The following NTM variants were observed in gnomAD, a reference collection of about 807,000 sequenced individuals.
NTM encodes the protein IgLON family member 2.
In NTM, 13 loss-of-function variants were observed where a neutral mutation model predicts 42.1. The ratio of observed to expected loss-of-function variants is 0.31; its 90% confidence interval spans 0.20 to 0.49. NTM has a LOEUF of 0.49. Among genes scored for constraint, NTM ranks in the 20% least tolerant of loss-of-function variants. The probability of loss-of-function intolerance (pLI) is 0.99; values close to 1 mark genes in which losing one functional copy is unlikely to be tolerated. For synonymous variants in NTM, 187 were observed against 179.2 expected (o/e 1.04, Z -0.35); for missense variants, 373 against 452.8 (o/e 0.82, Z 1.60).
intron 1 of NTM, among the ~76,000 whole-genome samples, chr11:131,461,076 A>G (rs1052007794): frequency 3.9e-5 from 6 of 152,190 alleles, no homozygotes; most frequent in Non-Finnish European, 8.8e-5. Context: ...GTTTTCAAGT[A>G]TAAGGGAAAT....
At chr11:132,088,747 C>T (rs2060042373) in intron 2 of NTM, among the ~76,000 whole-genome samples, 1 of 152,160 alleles carries the variant, frequency 6.6e-6, no homozygotes, top group Admixed American at 6.5e-5. Context: ...CATGTTTAGG[C>T]AAGCCCCCTA....
chr11:131,696,159 G>A (rs1447497506), intron 1 of NTM, among the ~76,000 whole-genome samples: 3 of 152,156 alleles, frequency 2.0e-5, no homozygotes, highest in East Asian at 1.9e-4. Context: ...TAACAGCCTC[G>A]GAGAGAACAA....
intron 4 of NTM, among the ~76,000 whole-genome samples, chr11:132,293,386 TC>T (rs1168624529): frequency 2.6e-5 from 4 of 152,100 alleles, no homozygotes; most frequent in Non-Finnish European, 4.4e-5. Context: ...AGAGCCCATG[TC>T]CCCGCCTGAG....
rs556872636 is a variant in NTM at position 132,206,214 on chromosome 11, A to T, written c.401-5808A>T. 3.2e-4 allele frequency among the ~76,000 whole-genome samples: 49 copies of T among 152,320 alleles called. No homozygotes were observed. In the South Asian group the frequency reaches 9.7e-3, roughly 30 times the overall value. On this transcript the variant is annotated intron_variant, in intron 3 of 8. Transcript: ENST00000683400. ...ATTCTTTTTCTTAAAATAAATTTTTAAAAAATTACGACATTTCTTTTAAAA... is the reference window on the plus strand; with the variant it reads ...ATTCTTTTTCTTAAAATAAATTTTTTAAAAATTACGACATTTCTTTTAAAA...
intron 1 of NTM, among the ~76,000 whole-genome samples, chr11:131,691,769 C>A (rs1036993127): frequency 6.6e-6 from 1 of 152,174 alleles, no homozygotes; most frequent in African/African-American, 2.4e-5. Flanking sequence ...CTGGGCGCAG[C>A]GGTCCCGGGG....
chr11:131,456,731 A>C (rs905327432), intron 1 of NTM, among the ~76,000 whole-genome samples: 1 of 152,218 alleles, frequency 6.6e-6, no homozygotes, highest in South Asian at 2.1e-4. Flanking sequence ...GGGCTTGTGC[A>C]TGCCTACATT....
chr11:132,078,599 C>A (rs1423234330), intron 2 of NTM, among the ~76,000 whole-genome samples: 1 of 152,276 alleles, frequency 6.6e-6, no homozygotes, highest in East Asian at 1.9e-4. Context: ...TAAAGTAAGC[C>A]AGATAGAAAC....
At chr11:131,583,252 T>C (rs1335640492) in intron 1 of NTM, among the ~76,000 whole-genome samples, 2 of 152,126 alleles carry the variant, frequency 1.3e-5, no homozygotes, top group African/African-American at 4.8e-5. Flanking sequence ...GCACCTTGAA[T>C]TTTTCACTCA....
chr11:132,024,514 T>C (rs1008341674), intron 2 of NTM, among the ~76,000 whole-genome samples: 10 of 152,202 alleles, frequency 6.6e-5, no homozygotes, highest in African/African-American at 2.4e-4. Context: ...TACTGTATTG[T>C]TTTGGATTTT....
rs986863272 is a variant in NTM at position 131,670,346 on chromosome 11, CCTCT to C, written c.83-241211_83-241208del. ...CTTTCTTTCTTTCTTTCTTTCTCTC[CCTCT>C]CTCTCTTACTTTCTTCCTTCCTTCC... On this transcript the variant is annotated intron_variant, in intron 1 of 8. Transcript: ENST00000683400. Among the ~76,000 whole-genome samples, 149 of 151,528 alleles carry C rather than the reference CCTCT, an allele frequency of 9.8e-4. 4 individuals are homozygous for C. The highest frequency in any genetic ancestry group is 5.9e-4 in the Admixed American group (9 of 15,194).
chr11:132,221,182 C>A (rs1244036112), intron 4 of NTM, among the ~76,000 whole-genome samples: 1 of 152,206 alleles, frequency 6.6e-6, no homozygotes, highest in Non-Finnish European at 1.5e-5. Context: ...CCCATGACGA[C>A]TGCCTTTCTC....
intron 1 of NTM, among the ~76,000 whole-genome samples, chr11:131,691,413 G>A (rs2074688509): frequency 6.6e-6 from 1 of 152,176 alleles, no homozygotes; most frequent in Admixed American, 6.5e-5. Flanking sequence ...GGGAGTCCAC[G>A]TCACGAGGAG....
chr11:131,755,019 A>G (rs1411478543), intron 1 of NTM, among the ~76,000 whole-genome samples: 1 of 152,190 alleles, frequency 6.6e-6, no homozygotes, highest in African/African-American at 2.4e-5. Flanking sequence ...GAAAGCAGAA[A>G]TGTGAAGGTC....
intron 1 of NTM, among the ~76,000 whole-genome samples, chr11:131,432,924 A>G (rs1049323489): frequency 1.5e-5 from 2 of 134,422 alleles, no homozygotes; most frequent in African/African-American, 5.7e-5. Context: ...GCGCGATCAC[A>G]GCTCACTGCA....
intron 1 of NTM, among the ~76,000 whole-genome samples, chr11:131,793,778 G>A (rs1323937955): frequency 6.6e-6 from 1 of 152,172 alleles, no homozygotes; most frequent in Non-Finnish European, 1.5e-5. Context: ...GGAAGGCGAG[G>A]TTGAAAATGT....
intron 3 of NTM, among the ~76,000 whole-genome samples, chr11:132,195,610 C>T (rs886064932): frequency 9.2e-5 from 14 of 152,052 alleles, no homozygotes; most frequent in African/African-American, 1.2e-4. Context: ...AAAACAGACA[C>T]GTAGACCAAC....
At chr11:132,244,426 AAC>A (rs2090732191) in intron 4 of NTM, among the ~76,000 whole-genome samples, 1 of 152,244 alleles carries the variant, frequency 6.6e-6, no homozygotes, top group Non-Finnish European at 1.5e-5. Context: ...TTAGTTTAAT[AAC>A]GCAACAGACT....
chr11:131,682,585 C>T (rs553946585), intron 1 of NTM, among the ~76,000 whole-genome samples: 81 of 152,338 alleles, frequency 5.3e-4, no homozygotes, highest in Non-Finnish European at 5.9e-4. Flanking sequence ...CGGCCTTAAA[C>T]CCTGCAAAGT....
chr11:131,479,415 C>T (rs1953305205), intron 1 of NTM, among the ~76,000 whole-genome samples: 1 of 152,120 alleles, frequency 6.6e-6, no homozygotes, highest in South Asian at 2.1e-4. Flanking sequence ...TGGGATTCAT[C>T]ACAACATGAG....
Sources: allele counts gnomAD v4.1 joint callset (sites outside exome capture counted in the v4.1 genomes callset), GRCh38; gene constraint gnomAD v4.1.1; transcripts MANE v1.5; gene names NCBI Gene and HGNC (gene_info 2026-07-23, HGNC 2026-07-21).